The following URGCP variants were observed in gnomAD, a reference collection of about 807,000 sequenced individuals.
The protein encoded by URGCP is upregulator of cell proliferation.
Under a neutral mutation model 24.6 loss-of-function variants are expected in URGCP, and 13 were observed. The ratio of observed to expected loss-of-function variants is 0.53; its 90% CI spans 0.34 to 0.84. The LOEUF (loss-of-function observed/expected upper bound fraction) is 0.84. Ranked by LOEUF, URGCP falls within the 40% of genes least tolerant of loss-of-function variation. The pLI is 0.01. For synonymous variants in URGCP, 444 were observed against 487.2 expected (o/e 0.91, Z 1.17); for missense variants, 899 against 1,194.3 (o/e 0.75, Z 3.64).
intron 1 of URGCP, 102 bp from the exon 2 acceptor site, chr7:43,887,918 T>G: frequency 1.3e-6 from 1 of 745,168 alleles, no homozygotes; most frequent in Admixed American, 3.0e-5. Flanking sequence ...AATAACGGAA[T>G]TATGGTCAAA....
At chr7:43,903,780 G>A (rs529252691) in intron 1 of URGCP, among the ~76,000 whole-genome samples, 2 of 152,272 alleles carry the variant, frequency 1.3e-5, no homozygotes, top group South Asian at 4.1e-4. Flanking sequence ...CATGAATCAT[G>A]GAGCCTAAGT....
intron 1 of URGCP, among the ~76,000 whole-genome samples, chr7:43,921,051 G>T (rs2095921826): frequency 6.6e-6 from 1 of 152,188 alleles, no homozygotes; most frequent in South Asian, 2.1e-4. Flanking sequence ...TCTAGGCCGG[G>T]CACGGTGGCC....
chr7:43,884,678 T>A (rs556486938), intron 3 of URGCP, among the ~76,000 whole-genome samples: 1 of 152,192 alleles, frequency 6.6e-6, no homozygotes, highest in Admixed American at 6.5e-5. Flanking sequence ...AAAAGTTTTT[T>A]AAAAAATTAG....
At chr7:43,898,777 ATAAATAAATAAATTT>A (rs2095883667) in intron 1 of URGCP, among the ~76,000 whole-genome samples, 1 of 81,312 alleles carries the variant, frequency 1.2e-5, no homozygotes, top group Non-Finnish European at 3.4e-5. Flanking sequence ...AAATAAATAA[ATAAATAAATAAATTT>A]ATTTTAATTT....
At chr7:43,913,883 G>C (rs975332263) in intron 1 of URGCP, among the ~76,000 whole-genome samples, 1 of 152,068 alleles carries the variant, frequency 6.6e-6, no homozygotes, top group Non-Finnish European at 1.5e-5. Flanking sequence ...ATTTTTAGTA[G>C]AAACAGGTTT....
In URGCP at chr7:43,877,114, A is replaced by G. The variant is rs1244635342; in HGVS notation, c.2349T>C (p.Asn783=). The G allele has an allele frequency of 6.2e-7, 1 of 1,614,218 alleles. No individual in the cohort carries two copies. The highest frequency in any genetic ancestry group is 8.5e-7 in the Non-Finnish European group (1 of 1,180,030). Residue 783 remains asparagine (N), a synonymous_variant, in exon 6 of 6, where the codon AAT becomes AAC. Coordinates refer to ENST00000453200, the MANE Select transcript of URGCP (RefSeq NM_001077663.3). The part of the protein sequence containing the change: ...SLATLLMGLS[N]VTVISLAETK... The stretch of plus-strand genomic sequence containing the variant: ...TTTCAGCTAGACTGATCACGGTGAC[A>G]TTGCTCAGTCCCATGAGCAGAGTGG...
At position 43,882,328 on chromosome 7, in the gene URGCP, AG is replaced by A. The variant is rs531821661; in HGVS notation, c.113-372del. On this transcript the variant is annotated intron_variant, in intron 3 of 5. Transcript: ENST00000453200. ...CGTGGTGGCGCATGCCTGTAATTCC[AG>A]CTTGGAATTACTTGGGAGGCTGAGA... 3.6e-3 allele frequency among the ~76,000 whole-genome samples: 551 copies of A among 152,328 alleles called. 4 individuals are homozygous for A. Among genetic ancestry groups the A allele is most frequent in the African/African-American group, 0.012 (509 of 41,574 alleles).
At chr7:43,881,102 G>A (rs370088276) in intron 5 of URGCP, 29 of 683,878 alleles carry the variant, frequency 4.2e-5, no homozygotes, top group South Asian at 1.7e-4. Flanking sequence ...AGGTTTCCTA[G>A]CTTTGCCTGA....
At chr7:43,882,087 C>T in intron 3 of URGCP, 130 bp from the exon 4 acceptor site, 2 of 1,482,974 alleles carry the variant, frequency 1.3e-6, no homozygotes, top group East Asian at 2.3e-5. Context: ...TGCTTGAGTC[C>T]AGGAGTTTGA....
intron 1 of URGCP, among the ~76,000 whole-genome samples, chr7:43,912,220 G>T (rs564235813): frequency 6.6e-6 from 1 of 152,080 alleles, no homozygotes; most frequent in Non-Finnish European, 1.5e-5. Context: ...AATATGGGCC[G>T]GGCGTGGTTG....
intron 5 of URGCP, chr7:43,881,262 C>T (rs1259820595): frequency 5.7e-6 from 4 of 702,338 alleles, no homozygotes; most frequent in South Asian, 1.5e-5. Flanking sequence ...AAGCTCTGGG[C>T]CCAGTATCCT....
intron 3 of URGCP, among the ~76,000 whole-genome samples, chr7:43,886,837 T>C (rs1585800013): frequency 6.6e-6 from 1 of 152,144 alleles, no homozygotes; most frequent in Non-Finnish European, 1.5e-5. Context: ...GCTAAAGATA[T>C]CTGGAGTGTG....
intron 3 of URGCP, chr7:43,882,189 A>C: frequency 2.2e-6 from 1 of 461,126 alleles, no homozygotes; most frequent in Non-Finnish European, 3.5e-6. Context: ...CTGTAATCTC[A>C]GCACTTTGGG....
rs200035668 is a variant in URGCP, at chr7:43,877,457, C to T, written c.2006G>A (p.Ser669Asn). 23 of 1,613,586 alleles carry T rather than the reference C, an allele frequency of 1.4e-5. No individual in the cohort carries two copies. The African/African-American group carries it at 2.9e-4, about 21-fold the overall frequency. Reference protein sequence around the residue: ...PLELIDGSTLSMPVRWVTGLL... With the variant: ...PLELIDGSTLNMPVRWVTGLL... ...CCCTGTGACCCAGCGGACGGGCATGCTCAGCGTGCTCCCATCGATTAGCTC... is the reference window on the plus strand; with the variant it reads ...CCCTGTGACCCAGCGGACGGGCATGTTCAGCGTGCTCCCATCGATTAGCTC... The change falls in exon 6 of 6, where the codon AGC becomes AAC. Residue 669 changes from serine to asparagine, a missense_variant. Transcript: ENST00000453200.
Position 43,906,563 on chromosome 7 carries a change from C to G in URGCP, c.13G>C (p.Gly5Arg). 2.4e-6 allele frequency: 3 copies of G among 1,242,150 alleles called. No individual in the cohort carries two copies. Among genetic ancestry groups the G allele is most frequent in the Non-Finnish European group, 2.0e-6 (2 of 985,134 alleles). 76.9% of individuals were successfully genotyped at this position (1,242,150 alleles called of 1,614,324 possible). A position where few individuals can be genotyped will look rare whatever the true frequency, so the allele number is the denominator to read the frequency against. The part of the protein sequence containing the change: MASP[G>R]IEVELLGKGH... ...CAGGGCCTGCGAGGCGGCACTCACC[C>G]GGGCGACGCCATGAGCGCAGCGAGG... The change falls in exon 1 of 6, where the codon GGG becomes CGG. Residue 5 changes from glycine to arginine, a missense_variant and splice_region_variant. Coordinates refer to ENST00000453200, the MANE Select transcript of URGCP (RefSeq NM_001077663.3).
In URGCP at chr7:43,876,611, TCAGA is replaced by T; in HGVS notation, c.*52_*55del. The stretch of plus-strand genomic sequence containing the variant: ...AGCACAGCCCCACACGGGTGCCCCA[TCAGA>T]CAGGGCTGCCCACAGCAGCCTCCTA... On this transcript the variant is annotated 3_prime_UTR_variant, in exon 6 of 6. Coordinates refer to ENST00000453200, the MANE Select transcript of URGCP (RefSeq NM_001077663.3). 1 of 1,564,154 alleles carries T rather than the reference TCAGA, an allele frequency of 6.4e-7. No individual in the cohort carries two copies. Among genetic ancestry groups the T allele is most frequent in the Non-Finnish European group, 8.7e-7 (1 of 1,152,522 alleles).
In URGCP at chr7:43,919,474, C is replaced by A; in HGVS notation, c.-116+6658G>T. 3 of 1,054,746 alleles carry A rather than the reference C, an allele frequency of 2.8e-6. No individual in the cohort carries two copies. In the South Asian group the frequency reaches 3.8e-5, roughly 13 times the overall value. The allele number at this position is 1,054,746 out of a possible 1,614,324, so 65.3% of individuals were successfully genotyped here. A position where few individuals can be genotyped will look rare whatever the true frequency, so the allele number is the denominator to read the frequency against. On this transcript the variant is annotated intron_variant, in intron 1 of 5. Coordinates refer to the URGCP transcript ENST00000426198. Reference sequence around the variant, plus strand: ...AATGACCTCATAGGCCTCATCGCCTCACTCATTCCCACCCCATGGCTCCAC... The same window carrying A: ...AATGACCTCATAGGCCTCATCGCCTAACTCATTCCCACCCCATGGCTCCAC...
At chr7:43,881,884 T>C (rs1396409745) in intron 4 of URGCP, 23 bp downstream of exon 4, 2 of 1,613,496 alleles carry the variant, frequency 1.2e-6, no homozygotes, top group Non-Finnish European at 1.7e-6. Flanking sequence ...GTCCAATCTG[T>C]TGCCAAATCC....
rs767425877 is a variant in URGCP at position 43,878,970 on chromosome 7, C to T, written c.493G>A (p.Ala165Thr). The change falls in exon 6 of 6, where the codon GCT becomes ACT. Residue 165 changes from alanine to threonine, a missense_variant. Physicochemically the swap from Ala to Thr is moderately conservative, Grantham distance 58. Coordinates refer to ENST00000453200, the MANE Select transcript of URGCP (RefSeq NM_001077663.3). The surrounding 1 kb of genome is among the most constrained non-coding windows in gnomAD (Gnocchi z 5.6). Reference sequence around the variant, plus strand: ...TCAGAAAAGGAATAAATGTCGGCAGCAAGGTCATCAGCTGGGTCCCAGTAG... The same window carrying T: ...TCAGAAAAGGAATAAATGTCGGCAGTAAGGTCATCAGCTGGGTCCCAGTAG... ...IIYWDPADDLAADIYSFSELP... is the reference protein window; with the variant it reads ...IIYWDPADDLTADIYSFSELP... 22 of 1,614,254 alleles carry T rather than the reference C, an allele frequency of 1.4e-5. No individual in the cohort carries two copies. In the Admixed American group the frequency reaches 3.5e-4, roughly 26 times the overall value.
Sources: gnomAD v4.1 joint callset for allele counts (sites outside exome capture counted in the v4.1 genomes callset) on GRCh38, gnomAD v4.1.1 for gene constraint, Gnocchi (gnomAD v3.1) non-coding constraint, MANE v1.5 for transcripts, NCBI Gene and HGNC (gene_info 2026-07-23, HGNC 2026-07-21) for gene names.